PLOD2: variants seen among roughly 807,000 people sequenced by gnomAD.
PLOD2 encodes lysine hydroxylase 2.
In PLOD2, 65 loss-of-function variants were observed where a neutral mutation model predicts 101.0. That is an observed-to-expected ratio of 0.64 (90% confidence interval 0.53 to 0.79). The LOEUF (loss-of-function observed/expected upper bound fraction) is 0.79, where lower values mean the gene tolerates loss of function less well. PLOD2 is among the 30% of genes least tolerant of loss of function. The pLI, the probability that PLOD2 is intolerant of heterozygous loss-of-function variation, is 0.00. For synonymous variants in PLOD2, 314 were observed against 302.9 expected, an observed-to-expected ratio of 1.04 and a Z score of -0.38; for missense variants, 909 against 914.6, an observed-to-expected ratio of 0.99 and a Z score of 0.08.
At position 146,069,594 on chromosome 3, in the gene PLOD2, A is replaced by G. The variant is rs1936049971; in HGVS notation, c.*1123T>C. On this transcript the variant is annotated 3_prime_UTR_variant, in exon 20 of 20. Coordinates refer to ENST00000282903, the MANE Select transcript of PLOD2 (RefSeq NM_182943.3). ...TTTCAACCTTACTTAGAGAAGTGATAAAACATCAAGTCAACAAGTATTTTT... is the reference window on the plus strand; with the variant it reads ...TTTCAACCTTACTTAGAGAAGTGATGAAACATCAAGTCAACAAGTATTTTT... 1 of 152,300 alleles carries G rather than the reference A, an allele frequency of 6.6e-6. No homozygotes were observed. Among genetic ancestry groups the G allele is most frequent in the African/African-American group, 2.4e-5 (1 of 41,394 alleles). The allele number at this position is 152,300 out of a possible 1,614,324, so 9.4% of individuals were successfully genotyped here.
chr3:146,147,592 G>A (rs1179773172), intron 1 of PLOD2, among the ~76,000 whole-genome samples: 1 of 152,048 alleles, frequency 6.6e-6, no homozygotes. Flanking sequence ...CAGGGTCCCT[G>A]GACTCAACCG....
In PLOD2 at chr3:146,101,394, T is replaced by C. The variant is rs138381861; in HGVS notation, c.777+1361A>G. ...TTAAAATAAATATTTTGAAGAACCATAGAGATTGAAGAGGAAAGCCCAGAA... is the reference window on the plus strand; with the variant it reads ...TTAAAATAAATATTTTGAAGAACCACAGAGATTGAAGAGGAAAGCCCAGAA... On this transcript the variant is annotated intron_variant, in intron 7 of 19. Transcript: ENST00000282903. Among the ~76,000 whole-genome samples the C allele has an allele frequency of 1.1e-3, 160 of 152,048 alleles. 1 individual carries two copies. Among genetic ancestry groups the C allele is most frequent in the African/African-American group, 3.6e-3 (150 of 41,444 alleles).
At chr3:146,150,226 T>C (rs965072603) in intron 1 of PLOD2, among the ~76,000 whole-genome samples, 4 of 152,214 alleles carry the variant, frequency 2.6e-5, no homozygotes, top group African/African-American at 9.6e-5. Context: ...TCGTTTTTAT[T>C]TGCCATGTTT....
intron 11 of PLOD2, 81 bp from the exon 12 acceptor site, chr3:146,081,944 T>G: frequency 7.5e-7 from 1 of 1,336,738 alleles, no homozygotes; most frequent in Non-Finnish European, 1.0e-6. Flanking sequence ...TTATGTATTT[T>G]GGGCTTAGTA....
At chr3:146,101,675 A>AG (rs1340227314) in intron 7 of PLOD2, among the ~76,000 whole-genome samples, 1 of 152,186 alleles carries the variant, frequency 6.6e-6, no homozygotes, top group Non-Finnish European at 1.5e-5. Flanking sequence ...GGAGGAGAAA[A>AG]GCCAGGTGCA....
At chr3:146,116,625 G>A (rs142095940) in intron 3 of PLOD2, among the ~76,000 whole-genome samples, 5 of 152,106 alleles carry the variant, frequency 3.3e-5, no homozygotes, top group African/African-American at 1.2e-4. Context: ...AGGAAATACG[G>A]AGTACACACA....
At chr3:146,080,697 C>T (rs1294444720) in intron 12 of PLOD2, among the ~76,000 whole-genome samples, 1 of 152,116 alleles carries the variant, frequency 6.6e-6, no homozygotes, top group East Asian at 1.9e-4. Context: ...TCTACTTTCA[C>T]AAACCCTCAT....
chr3:146,145,222 G>GT (rs2031722284), intron 1 of PLOD2, among the ~76,000 whole-genome samples: 1 of 152,076 alleles, frequency 6.6e-6, no homozygotes. Context: ...AAAAGCAAAT[G>GT]TTTTTAGCTG....
Position 146,161,114 on chromosome 3 carries a change from G to C in PLOD2, c.-125C>G. 7.8e-6 allele frequency: 4 copies of C among 514,730 alleles called. No homozygotes were observed. The highest frequency in any genetic ancestry group is 9.1e-5 in the Admixed American group (2 of 22,086). 31.9% of individuals were successfully genotyped at this position (514,730 alleles called of 1,614,324 possible). A position where few individuals can be genotyped will look rare whatever the true frequency, so the allele number is the denominator to read the frequency against. On this transcript the variant is annotated 5_prime_UTR_variant, in exon 1 of 20. Transcript: ENST00000282903. ...ATTGCGGGCGGGAGCCGGCGGGCAA[G>C]GCGCGCGGCCGGCAGCCGGAGCGGC...
chr3:146,081,531 C>T (rs1170053289), intron 12 of PLOD2, among the ~76,000 whole-genome samples: 7 of 151,994 alleles, frequency 4.6e-5, no homozygotes, highest in Admixed American at 3.9e-4. Flanking sequence ...TGAGCTTGTT[C>T]CTTTGAAGAT....
At chr3:146,138,046 G>C (rs565871502) in intron 1 of PLOD2, among the ~76,000 whole-genome samples, 1 of 152,132 alleles carries the variant, frequency 6.6e-6, no homozygotes, top group African/African-American at 2.4e-5. Context: ...ACAGGAAATG[G>C]TTAATTGCAA....
intron 7 of PLOD2, among the ~76,000 whole-genome samples, chr3:146,096,939 C>T (rs1169094084): frequency 4.2e-5 from 6 of 143,940 alleles, no homozygotes; most frequent in African/African-American, 1.3e-4. Flanking sequence ...TCTGCCCGGC[C>T]GCCCCTACTG....
chr3:146,075,441 C>T (rs1270783602), intron 15 of PLOD2, among the ~76,000 whole-genome samples: 1 of 138,682 alleles, frequency 7.2e-6, no homozygotes, highest in African/African-American at 2.7e-5. Flanking sequence ...AAAAAGATGT[C>T]CCTGTAAAAC....
chr3:146,128,509 A>G (rs2030715105), intron 1 of PLOD2, among the ~76,000 whole-genome samples: 1 of 152,180 alleles, frequency 6.6e-6, no homozygotes, highest in Non-Finnish European at 1.5e-5. Flanking sequence ...CTATGTAATC[A>G]TCTTTACATA....
chr3:146,098,380 A>G (rs1937276430), intron 7 of PLOD2, among the ~76,000 whole-genome samples: 1 of 152,178 alleles, frequency 6.6e-6, no homozygotes, highest in Non-Finnish European at 1.5e-5. Context: ...CTAAAAATTG[A>G]TTCATATTAG....
chr3:146,148,398 AAGAC>A (rs1559873050), intron 1 of PLOD2, among the ~76,000 whole-genome samples: 1 of 151,752 alleles, frequency 6.6e-6, no homozygotes, highest in African/African-American at 2.4e-5. Context: ...CAAACAAAAA[AAGAC>A]AGAGACAAAA....
intron 2 of PLOD2, among the ~76,000 whole-genome samples, chr3:146,122,944 C>A (rs1438594111): frequency 6.6e-6 from 1 of 152,084 alleles, no homozygotes; most frequent in East Asian, 1.9e-4. Context: ...AATTTTATTT[C>A]CACAGTGTCT....
chr3:146,153,747 A>G (rs56686359), intron 1 of PLOD2, among the ~76,000 whole-genome samples: 33,495 of 151,404 alleles, frequency 0.22, 3,771 homozygotes, highest in South Asian at 0.27. Context: ...GAGACTGACC[A>G]GGAGTACTGT....
chr3:146,077,944 TG>T lies in PLOD2; in HGVS notation c.1501-21del. 6.9e-7 allele frequency: 1 copy of T among 1,455,454 alleles called. No individual in the cohort carries two copies. Among genetic ancestry groups the T allele is most frequent in the Non-Finnish European group, 9.7e-7 (1 of 1,035,784 alleles). The allele number at this position is 1,455,454 out of a possible 1,614,324, so 90.2% of individuals were successfully genotyped here. On this transcript the variant is annotated intron_variant, in intron 13 of 19. Transcript: ENST00000282903. ...TAAAGTCTAAAATGAAGAGAAGCAT[TG>T]GGTAAGTTGACCTGTACACCCGCTC...
Sources: allele counts gnomAD v4.1 joint callset (sites outside exome capture counted in the v4.1 genomes callset), GRCh38; gene constraint gnomAD v4.1.1; transcripts MANE v1.5; gene names NCBI Gene and HGNC (gene_info 2026-07-23, HGNC 2026-07-21).